Variants in TPRG1 observed in about 807,000 individuals in gnomAD.
TPRG1 encodes the protein tumor protein p63 regulated 1, also known as tumor protein p63-regulated gene 1 protein.
Under a neutral mutation model 29.3 loss-of-function variants are expected in TPRG1, and 29 were observed. The observed-to-expected ratio is 0.99, with a 90% CI of 0.74 to 1.35. TPRG1 has a LOEUF of 1.35. Among genes scored for constraint, TPRG1 ranks in the 40% most tolerant of loss-of-function variants. TPRG1 has a pLI of 0.00. For missense variants in TPRG1, 327 were observed against 335.0 expected, an observed-to-expected ratio of 0.98 and a Z score of 0.19; for synonymous variants, 130 against 116.8, an observed-to-expected ratio of 1.11 and a Z score of -0.73.
At chr3:189,282,076 T>G (rs1560646466) in intron 4 of TPRG1, among the ~76,000 whole-genome samples, 2 of 152,030 alleles carry the variant, frequency 1.3e-5, no homozygotes, top group Non-Finnish European at 1.5e-5. Context: ...AGACAAGGTT[T>G]CACCATGTTG....
chr3:189,288,367 T>C (rs1718429564), intron 4 of TPRG1, among the ~76,000 whole-genome samples: 1 of 152,126 alleles, frequency 6.6e-6, no homozygotes, highest in South Asian at 2.1e-4. Flanking sequence ...CAAAGGCCAA[T>C]GTACATTGCA....
intron 1 of TPRG1, among the ~76,000 whole-genome samples, chr3:189,178,892 C>T (rs1473734543): frequency 6.6e-6 from 1 of 152,216 alleles, no homozygotes; most frequent in Non-Finnish European, 1.5e-5. Flanking sequence ...AGTGATTTTA[C>T]ATCAAATGGA....
At chr3:189,170,990 T>C (rs373900118), upstream of TPRG1, among the ~76,000 whole-genome samples, 47 of 152,356 alleles carry the variant, frequency 3.1e-4, no homozygotes, top group East Asian at 2.7e-3. Flanking sequence ...GGATAGAAGA[T>C]TGAAATTCAA....
chr3:189,176,926 T>C (rs556878137), intron 1 of TPRG1, among the ~76,000 whole-genome samples: 1 of 152,330 alleles, frequency 6.6e-6, no homozygotes, highest in Admixed American at 6.5e-5. Context: ...TAGGAGCTAT[T>C]TGCAGATTTG....
rs868231626 is a variant in TPRG1, at chr3:189,017,579, A to C, written c.-659-6171A>C. ...TGAACTCATCATTTTTTATGGCTGC[A>C]TAGTATTCCATGGTGTATATGTGCC... is the stretch of plus-strand genomic sequence containing the variant. On this transcript the variant is annotated intron_variant, in intron 3 of 10. Coordinates refer to the TPRG1 transcript ENST00000433971. 2.1e-4 allele frequency among the ~76,000 whole-genome samples: 32 copies of C among 152,326 alleles called. 1 individual carries two copies. The highest frequency in any genetic ancestry group is 1.6e-3 in the Admixed American group (24 of 15,292).
At chr3:189,026,363 C>T (rs1713661914) in intron 4 of TPRG1, among the ~76,000 whole-genome samples, 1 of 152,198 alleles carries the variant, frequency 6.6e-6, no homozygotes, top group Non-Finnish European at 1.5e-5. Context: ...CTTCAGATCT[C>T]ATTTAACCTT....
intron 4 of TPRG1, among the ~76,000 whole-genome samples, chr3:189,078,749 C>T (rs1436703860): frequency 6.6e-6 from 1 of 152,170 alleles, no homozygotes; most frequent in Admixed American, 6.5e-5. Flanking sequence ...TACATTGGCT[C>T]CACCACACAC....
In TPRG1 at chr3:189,236,690, T is replaced by C. The variant is rs138058065; in HGVS notation, c.303-2043T>C. On this transcript the variant is annotated intron_variant, in intron 3 of 5. Transcript: ENST00000345063. ...GGGTTGTGGTAAGATATAGAACTAA[T>C]ACTTATGAATATATAATGGCAGGCA... Among the ~76,000 whole-genome samples the C allele has an allele frequency of 4.0e-3, 607 of 152,334 alleles. 4 individuals carry two copies. Among genetic ancestry groups the C allele is most frequent in the African/African-American group, 0.014 (582 of 41,576 alleles).
chr3:189,318,505 A>G (rs1723903093), intron 5 of TPRG1, among the ~76,000 whole-genome samples: 1 of 152,182 alleles, frequency 6.6e-6, no homozygotes, highest in African/African-American at 2.4e-5. Context: ...TGATTGCCAG[A>G]GCTGAAGTTT....
chr3:189,244,665 A>T (rs1354468086), intron 4 of TPRG1, among the ~76,000 whole-genome samples: 3 of 152,196 alleles, frequency 2.0e-5, no homozygotes, highest in South Asian at 2.1e-4. Flanking sequence ...ATGGCATTAA[A>T]CCATTCCTGA....
At chr3:189,262,255 T>TAA (rs200008892) in intron 4 of TPRG1, among the ~76,000 whole-genome samples, 1,523 of 151,612 alleles carry the variant, frequency 0.01, 15 homozygotes, top group Non-Finnish European at 0.018. Flanking sequence ...AGTATAAGTA[T>TAA]AAGACTTGGT....
intron 3 of TPRG1, among the ~76,000 whole-genome samples, chr3:189,233,033 C>T (rs1578949247): frequency 1.2e-5 from 1 of 81,588 alleles, no homozygotes; most frequent in Admixed American, 1.5e-4. Context: ...TCCTGGGTTG[C>T]TGATTCCTTG....
At chr3:189,298,477 C>A (rs937901716) in intron 4 of TPRG1, among the ~76,000 whole-genome samples, 1 of 152,140 alleles carries the variant, frequency 6.6e-6, no homozygotes, top group African/African-American at 2.4e-5. Flanking sequence ...TCTCCAAGGT[C>A]ACACAGTAAT....
At chr3:189,026,620 G>A (rs1328020622) in intron 4 of TPRG1, among the ~76,000 whole-genome samples, 1 of 152,176 alleles carries the variant, frequency 6.6e-6, no homozygotes, top group Non-Finnish European at 1.5e-5. Context: ...AGCTTAGCTG[G>A]AACATAAGAT....
chr3:189,124,995 T>G (rs1722281730), intron 1 of TPRG1, among the ~76,000 whole-genome samples: 1 of 152,244 alleles, frequency 6.6e-6, no homozygotes, highest in African/African-American at 2.4e-5. Flanking sequence ...TACTTTAATC[T>G]GTTCTACCTT....
intron 4 of TPRG1, among the ~76,000 whole-genome samples, chr3:189,276,586 T>G (rs1436292356): frequency 6.6e-6 from 1 of 152,204 alleles, no homozygotes; most frequent in Non-Finnish European, 1.5e-5. Flanking sequence ...GCCCAAATAT[T>G]GCCTCAAGCA....
intron 1 of TPRG1, among the ~76,000 whole-genome samples, chr3:189,000,185 C>G (rs1295753277): frequency 2.6e-5 from 4 of 151,934 alleles, no homozygotes; most frequent in Non-Finnish European, 5.9e-5. Flanking sequence ...TTGGATTTTT[C>G]TTTTTGATTT....
chr3:189,261,639 C>T (rs745476573), intron 4 of TPRG1, among the ~76,000 whole-genome samples: 33 of 152,180 alleles, frequency 2.2e-4, no homozygotes, highest in Non-Finnish European at 4.4e-4. Context: ...GCGATGCAAA[C>T]GTATGCACAC....
chr3:189,069,363 C>T (rs1424167944), intron 4 of TPRG1, among the ~76,000 whole-genome samples: 9 of 152,060 alleles, frequency 5.9e-5, no homozygotes, highest in Non-Finnish European at 7.4e-5. Context: ...GTGGGCCAGA[C>T]GACAGTGAGT....
Sources: allele counts gnomAD v4.1 joint callset (sites outside exome capture counted in the v4.1 genomes callset), GRCh38; gene constraint gnomAD v4.1.1; transcripts MANE v1.5; gene names NCBI Gene and HGNC (gene_info 2026-07-23, HGNC 2026-07-21).